CCPG1: variants seen among roughly 807,000 people sequenced by gnomAD.
CCPG1 encodes the protein cell cycle progression protein 1.
In CCPG1, 46 loss-of-function variants were observed where a neutral mutation model predicts 81.3. That is an observed-to-expected ratio of 0.57 (90% CI 0.45 to 0.72). The LOEUF (loss-of-function observed/expected upper bound fraction) is 0.72, where lower values mean the gene tolerates loss of function less well. Ranked by LOEUF, CCPG1 falls within the 30% of genes least tolerant of loss-of-function variation. CCPG1 has a pLI of 0.00. For synonymous variants in CCPG1, 330 were observed against 305.2 expected (o/e 1.08, Z -0.85); for missense variants, 902 against 937.6 (o/e 0.96, Z 0.50).
intron 1 of CCPG1, among the ~76,000 whole-genome samples, chr15:55,406,204 C>T (rs1566987654): frequency 1.4e-5 from 2 of 142,932 alleles, no homozygotes; most frequent in African/African-American, 5.2e-5. Flanking sequence ...GAGTCCATAA[C>T]TGGAATTGCT....
chr15:55,381,510 T>C (rs1486498422), intron 3 of CCPG1, among the ~76,000 whole-genome samples: 1 of 152,220 alleles, frequency 6.6e-6, no homozygotes, highest in Non-Finnish European at 1.5e-5. Context: ...AAACTGTCCA[T>C]AGCTTTCAGA....
chr15:55,392,734 T>TTCA (rs772217913), intron 1 of CCPG1, among the ~76,000 whole-genome samples: 1 of 152,108 alleles, frequency 6.6e-6, no homozygotes, highest in Non-Finnish European at 1.5e-5. Context: ...CCAGGTTGGT[T>TTCA]TCACACTCCT....
At chr15:55,370,871 G>A (rs1272092913) in intron 6 of CCPG1, among the ~76,000 whole-genome samples, 66 of 129,042 alleles carry the variant, frequency 5.1e-4, no homozygotes, top group Non-Finnish European at 2.3e-4. Flanking sequence ...GTGAGACTCC[G>A]TCTCAAAAAA....
At chr15:55,383,102 A>G (rs576159179) in intron 3 of CCPG1, among the ~76,000 whole-genome samples, 2 of 152,358 alleles carry the variant, frequency 1.3e-5, no homozygotes. Context: ...AAATAATACA[A>G]CCTGAAAGTC....
intron 6 of CCPG1, among the ~76,000 whole-genome samples, chr15:55,369,596 T>G (rs531466216): frequency 1.4e-3 from 219 of 152,300 alleles, no homozygotes; most frequent in African/African-American, 5.1e-3. Flanking sequence ...AGGTCAGGTC[T>G]TGTATGTTAA....
At chr15:55,377,551 G>GT (rs1320918295) in intron 4 of CCPG1, among the ~76,000 whole-genome samples, 1 of 152,192 alleles carries the variant, frequency 6.6e-6, no homozygotes, top group Non-Finnish European at 1.5e-5. Context: ...TTCAACAGCT[G>GT]TATCTTGTAC....
intron 7 of CCPG1, among the ~76,000 whole-genome samples, chr15:55,362,661 T>C (rs899227030): frequency 6.6e-6 from 1 of 152,178 alleles, no homozygotes; most frequent in Admixed American, 6.5e-5. Context: ...CATAAGTGAT[T>C]GATAAGCAGA....
chr15:55,388,406 G>A (rs902689420), intron 2 of CCPG1, among the ~76,000 whole-genome samples: 4 of 152,092 alleles, frequency 2.6e-5, no homozygotes, highest in South Asian at 2.1e-4. Flanking sequence ...TTTTGTGATA[G>A]GGTTCTGGCC....
intron 1 of CCPG1, among the ~76,000 whole-genome samples, chr15:55,406,213 CTGCT>C (rs1020755132): frequency 7.9e-6 from 1 of 127,076 alleles, no homozygotes; most frequent in African/African-American, 2.9e-5. Context: ...ACTGGAATTG[CTGCT>C]TTTTTTTTTT....
At chr15:55,366,590 G>A (rs574498525) in intron 6 of CCPG1, among the ~76,000 whole-genome samples, 281 of 152,224 alleles carry the variant, frequency 1.8e-3, no homozygotes, top group Non-Finnish European at 1.2e-3. Context: ...TGACCAACAT[G>A]GAGAAACCCT....
intron 1 of CCPG1, among the ~76,000 whole-genome samples, chr15:55,402,519 A>C (rs2057146737): frequency 6.6e-6 from 1 of 152,084 alleles, no homozygotes. Context: ...ATGAGCCACC[A>C]CACCCAGCCA....
At chr15:55,357,493 G>C (rs2056105935) in intron 8 of CCPG1, 5 of 926,158 alleles carry the variant, frequency 5.4e-6, no homozygotes, top group Non-Finnish European at 6.4e-6. Context: ...CTGTGATTGA[G>C]GTTTCCGTTA....
chr15:55,383,740 T>C (rs899491985), intron 3 of CCPG1, among the ~76,000 whole-genome samples: 2 of 152,228 alleles, frequency 1.3e-5, no homozygotes, highest in African/African-American at 4.8e-5. Flanking sequence ...CAACCTCAGC[T>C]AGCTTCCGCC....
intron 6 of CCPG1, among the ~76,000 whole-genome samples, chr15:55,365,829 C>T (rs1006653299): frequency 3.3e-5 from 5 of 151,966 alleles, no homozygotes; most frequent in African/African-American, 7.2e-5. Flanking sequence ...CAGTGGCTCA[C>T]GCCTGTAATC....
At chr15:55,376,548 C>A (rs994016065) in intron 5 of CCPG1, among the ~76,000 whole-genome samples, 1 of 152,114 alleles carries the variant, frequency 6.6e-6, no homozygotes, top group Non-Finnish European at 1.5e-5. Context: ...TTGAATATAT[C>A]TGAAGAGACT....
intron 3 of CCPG1, among the ~76,000 whole-genome samples, chr15:55,380,032 G>A (rs8030676): frequency 0.043 from 6,383 of 149,796 alleles, 469 homozygotes; most frequent in African/African-American, 0.15. Flanking sequence ...CCCAGGAGGC[G>A]AAGGTTGCAG....
chr15:55,396,425 T>C (rs1340572761), intron 1 of CCPG1, among the ~76,000 whole-genome samples: 3 of 152,228 alleles, frequency 2.0e-5, no homozygotes, highest in Non-Finnish European at 4.4e-5. Flanking sequence ...TTTAACTCGA[T>C]CTCTAGTCAT....
At chr15:55,406,436 C>CTTTTTTTTTTTTTTTT (rs143238270) in intron 1 of CCPG1, among the ~76,000 whole-genome samples, 33 of 126,214 alleles carry the variant, frequency 2.6e-4, no homozygotes, top group Non-Finnish European at 3.7e-4. Context: ...TTCTTTTTCT[C>CTTTTTTTTTTTTTTTT]TTTTTTTTTT....
chr15:55,368,527 A>ATACTTAAAGC (rs1275314101), intron 6 of CCPG1, among the ~76,000 whole-genome samples: 2 of 152,216 alleles, frequency 1.3e-5, no homozygotes, highest in Non-Finnish European at 2.9e-5. Context: ...TAGTCTATCA[A>ATACTTAAAGC]TACTTAAAGC....
Sources: gnomAD v4.1 joint callset for allele counts (sites outside exome capture counted in the v4.1 genomes callset) on GRCh38, gnomAD v4.1.1 for gene constraint, MANE v1.5 for transcripts, NCBI Gene and HGNC (gene_info 2026-07-23, HGNC 2026-07-21) for gene names.